Variants in IGHMBP2 observed in about 807,000 individuals in gnomAD.
IGHMBP2 encodes the protein DNA-binding protein SMUBP-2.
In IGHMBP2, 81 loss-of-function variants were observed where a neutral mutation model predicts 96.0. The observed-to-expected ratio is 0.84, with a 90% confidence interval of 0.71 to 1.01. The LOEUF (loss-of-function observed/expected upper bound fraction) is 1.01. IGHMBP2 is among the 50% of genes least tolerant of loss of function. The probability of loss-of-function intolerance (pLI) is 0.00; values close to 1 mark genes in which losing one functional copy is unlikely to be tolerated. For missense variants in IGHMBP2, 1,227 were observed against 1,306.3 expected (o/e 0.94, Z 0.94); for synonymous variants, 557 against 548.9 (o/e 1.01, Z -0.21).
chr11:68,914,553 C>T (rs563151297), intron 5 of IGHMBP2, among the ~76,000 whole-genome samples: 7 of 152,254 alleles, frequency 4.6e-5, no homozygotes, highest in East Asian at 1.9e-4. Context: ...CTTAGTTTGC[C>T]GTCTATAGGT....
chr11:68,927,439 T>A (rs1450084400), intron 7 of IGHMBP2, among the ~76,000 whole-genome samples: 1 of 152,216 alleles, frequency 6.6e-6, no homozygotes, highest in Non-Finnish European at 1.5e-5. Context: ...CCAGGCTGTT[T>A]GTGACTCTCA....
intron 13 of IGHMBP2, chr11:68,937,797 G>C (rs1233675324): frequency 3.8e-6 from 1 of 261,578 alleles, no homozygotes; most frequent in African/African-American, 2.2e-5. Flanking sequence ...GGGTGGCTTT[G>C]AAAGGGGCCT....
intron 4 of IGHMBP2, among the ~76,000 whole-genome samples, chr11:68,910,604 C>T (rs1858390028): frequency 6.6e-6 from 1 of 152,334 alleles, no homozygotes; most frequent in Middle Eastern, 3.4e-3. Flanking sequence ...CAGGTCTTGG[C>T]CAGGCGCGGT....
In IGHMBP2 at chr11:68,911,482, A is replaced by G. The variant is rs1344330989; in HGVS notation, c.590A>G (p.Lys197Arg). Residue 197 changes from lysine (K) to arginine (R), a missense_variant, in exon 5 of 15, where the codon AAA becomes AGA. Lys to Arg is a conservative substitution (Grantham distance 26). Coordinates refer to ENST00000255078, the MANE Select transcript of IGHMBP2 (RefSeq NM_002180.3). Reference protein sequence around the residue: ...FFNTCLDTSQKEAVLFALSQK... With the variant: ...FFNTCLDTSQREAVLFALSQK... ...AACACCTGCCTGGACACCTCCCAGA[A>G]AGAAGCGGTTTTATTTGCGCTGTCT... 3 of 1,614,134 alleles carry G rather than the reference A, an allele frequency of 1.9e-6. No homozygotes were observed. The highest frequency in any genetic ancestry group is 1.7e-5 in the Admixed American group (1 of 60,002).
At chr11:68,908,378 T>C in intron 3 of IGHMBP2, 41 bp downstream of exon 3, 1 of 1,572,242 alleles carries the variant, frequency 6.4e-7, no homozygotes, top group Non-Finnish European at 8.8e-7. Context: ...CCATCTTCCT[T>C]CAACACAGCT....
chr11:68,915,157 T>C (rs1594428042), intron 6 of IGHMBP2, 134 bp downstream of exon 6: 2 of 559,252 alleles, frequency 3.6e-6, no homozygotes, highest in East Asian at 3.4e-5. Flanking sequence ...TTTTAAAAAT[T>C]GGGCTGCCCT....
intron 7 of IGHMBP2, among the ~76,000 whole-genome samples, chr11:68,920,418 T>C (rs1466049168): frequency 6.6e-6 from 1 of 152,196 alleles, no homozygotes; most frequent in Non-Finnish European, 1.5e-5. Flanking sequence ...TTTCAACTAG[T>C]GTTAGTGTGA....
rs566134562 is a variant in IGHMBP2 at position 68,915,044 on chromosome 11, C to A, written c.912+21C>A. 78 of 1,603,810 alleles carry A rather than the reference C, an allele frequency of 4.9e-5. 1 individual carries two copies. In the South Asian group the frequency reaches 8.2e-4, roughly 17 times the overall value. ...TCTTTGTAGGTGTCATGGCCAGTGT[C>A]CATGTGGGGCGTGGGCTTCTGATCT... On this transcript the variant is annotated intron_variant, in intron 6 of 14. Coordinates refer to ENST00000255078, the MANE Select transcript of IGHMBP2 (RefSeq NM_002180.3).
In IGHMBP2 at chr11:68,906,198, C is replaced by A. The variant is rs755468547; in HGVS notation, c.216C>A (p.Tyr72Ter). 6.2e-7 allele frequency: 1 copy of A among 1,614,076 alleles called. No individual in the cohort carries two copies. The highest frequency in any genetic ancestry group is 8.5e-7 in the Non-Finnish European group (1 of 1,179,992). ...TGGTCACCTTTGAGCCCAGGCGATA[C>A]GGGTCCGCGGCAGCTCTTCCCAGTA... The part of the protein sequence containing the change: ...RLLVTFEPRR[Y>*]GSAAALPSNS... Residue 72 changes from tyrosine to a stop codon, truncating the protein, a stop_gained, in exon 2 of 15, where the codon TAC becomes TAA. Coordinates refer to ENST00000255078, the MANE Select transcript of IGHMBP2 (RefSeq NM_002180.3). LOFTEE classifies it high-confidence loss of function.
chr11:68,930,975 G>A lies in IGHMBP2; in HGVS notation c.1235+1618G>A, dbSNP rs1055315243. On this transcript the variant is annotated intron_variant, in intron 8 of 14. Transcript: ENST00000255078. ...TTTATGGACCTCAAGAGGGAAGGAA[G>A]GATGTGCCAATTGGTCCATGGGTGG... is the stretch of plus-strand genomic sequence containing the variant. Among the ~76,000 whole-genome samples, 8 of 152,294 alleles carry A rather than the reference G, an allele frequency of 5.3e-5. No homozygotes were observed. In the South Asian group the frequency reaches 1.7e-3, roughly 32 times the overall value.
chr11:68,932,947 A>G (rs1296066505), intron 8 of IGHMBP2: 6 of 362,640 alleles, frequency 1.7e-5, no homozygotes, highest in African/African-American at 4.1e-5. Flanking sequence ...TACGTCTTCA[A>G]ATCTCTCCCC....
intron 2 of IGHMBP2, 178 bp downstream of exon 2, chr11:68,906,416 C>A (rs1594415768): frequency 1.4e-6 from 1 of 715,584 alleles, no homozygotes; most frequent in Non-Finnish European, 2.4e-6. Flanking sequence ...CAGCGTTGTC[C>A]AAAATGGTAG....
chr11:68,905,971 A>T, intron 1 of IGHMBP2, 98 bp from the exon 2 acceptor site: 2 of 1,216,702 alleles, frequency 1.6e-6, no homozygotes, highest in Non-Finnish European at 2.4e-6. Flanking sequence ...GCCTGTGAGT[A>T]GATCTTTATC....
intron 4 of IGHMBP2, 69 bp downstream of exon 4, chr11:68,908,700 G>A: frequency 9.1e-7 from 1 of 1,099,268 alleles, no homozygotes; most frequent in African/African-American, 1.5e-5. Flanking sequence ...GTGTGACCTT[G>A]GGCCGTTTTA....
chr11:68,904,073 C>A, intron 1 of IGHMBP2, 35 bp downstream of exon 1: 1 of 1,510,222 alleles, frequency 6.6e-7, no homozygotes, highest in South Asian at 1.2e-5. Flanking sequence ...CCCTCGCGGT[C>A]GGTCCCGCCG....
At chr11:68,939,469 G>C in intron 14 of IGHMBP2, 65 bp from the exon 15 acceptor site, 1 of 1,560,420 alleles carries the variant, frequency 6.4e-7, no homozygotes, top group Non-Finnish European at 8.8e-7. Context: ...TCTTTGATAG[G>C]CAGAGCTGCA....
In IGHMBP2 at chr11:68,933,355, G is replaced by C; in HGVS notation, c.1292G>C (p.Gly431Ala). The stretch of plus-strand genomic sequence containing the variant: ...ATGGAACGCCTGGCTGAGGAGTACG[G>C]CGCGAGGGTGGTGCGGACACTGACG... ...SLMERLAEEYGARVVRTLTVQ... is the reference protein window; with the variant it reads ...SLMERLAEEYAARVVRTLTVQ... Residue 431 changes from glycine to alanine, a missense_variant, in exon 9 of 15, where the codon GGC becomes GCC. Coordinates refer to ENST00000255078, the MANE Select transcript of IGHMBP2 (RefSeq NM_002180.3). 1 of 1,613,178 alleles carries C rather than the reference G, an allele frequency of 6.2e-7. No individual in the cohort carries two copies. The highest frequency in any genetic ancestry group is 8.5e-7 in the Non-Finnish European group (1 of 1,179,904).
chr11:68,934,947 A>G (rs1170751001), intron 11 of IGHMBP2, among the ~76,000 whole-genome samples: 1 of 152,194 alleles, frequency 6.6e-6, no homozygotes, highest in Non-Finnish European at 1.5e-5. Context: ...TCGTGTTCCC[A>G]TGCGTATCTC....
At position 68,934,001 on chromosome 11, in the gene IGHMBP2, G is replaced by A. The variant is rs1555247438; in HGVS notation, c.1537+88G>A. 1.1e-5 allele frequency: 10 copies of A among 943,898 alleles called. No homozygotes were observed. The highest frequency in any genetic ancestry group is 1.1e-4 in the East Asian group (4 of 38,066). The allele number at this position is 943,898 out of a possible 1,614,324, so 58.5% of individuals were successfully genotyped here. ...AAAGGCACTTTAATTGCCTAATTCC[G>A]GGAGGAGCTGAGAGCAGTTGTTGAT... On this transcript the variant is annotated intron_variant, in intron 10 of 14. Coordinates refer to ENST00000255078, the MANE Select transcript of IGHMBP2 (RefSeq NM_002180.3).
Sources: allele counts gnomAD v4.1 joint callset (sites outside exome capture counted in the v4.1 genomes callset), GRCh38; gene constraint gnomAD v4.1.1; transcripts MANE v1.5; gene names NCBI Gene and HGNC (gene_info 2026-07-23, HGNC 2026-07-21).